The following NEMF variants were observed in gnomAD, a reference collection of about 807,000 sequenced individuals.
NEMF encodes ribosome quality control complex subunit NEMF.
In NEMF, 89 loss-of-function variants were observed where a neutral mutation model predicts 162.2. The observed-to-expected ratio is 0.55, with a 90% CI of 0.46 to 0.65. The LOEUF (loss-of-function observed/expected upper bound fraction) is 0.65, where lower values mean the gene tolerates loss of function less well. Among genes scored for constraint, NEMF ranks in the 30% least tolerant of loss-of-function variants. The pLI is 0.00. For synonymous variants in NEMF, 421 were observed against 404.5 expected (o/e 1.04, Z -0.49); for missense variants, 1,133 against 1,261.9 (o/e 0.90, Z 1.55).
rs1307763586 is a variant in NEMF, at chr14:49,829,061, G to A, written c.1225C>T (p.Leu409=). 21 of 1,613,344 alleles carry A rather than the reference G, an allele frequency of 1.3e-5. No individual in the cohort carries two copies. Among genetic ancestry groups the A allele is most frequent in the Non-Finnish European group, 1.7e-5 (20 of 1,179,416 alleles). The change falls in exon 13 of 33, where the codon CTG becomes TTG. Residue 409 remains leucine (L), a synonymous_variant. Transcript: ENST00000298310. The part of the protein sequence containing the change: ...LKLQTNHVTM[L]LRNPYLLSEE... ...ACTAAGAGTCAAACTTACCTTAGCA[G>A]CATTGTAACATGGTTTGTTTGTAGT...
rs1307109119 is a variant in NEMF, at chr14:49,821,186, C to T, written c.1577+4681G>A. Among the ~76,000 whole-genome samples, 3 of 12,050 alleles carry T rather than the reference C, an allele frequency of 2.5e-4. 1 individual carries two copies. The highest frequency in any genetic ancestry group is 1.7e-3 in the Admixed American group (1 of 574). The allele number at this position is 12,050 out of a possible 152,430, so 7.9% of individuals were successfully genotyped here. A position where few individuals can be genotyped will look rare whatever the true frequency, so the allele number is the denominator to read the frequency against. On this transcript the variant is annotated intron_variant, in intron 16 of 32. Coordinates refer to ENST00000298310, the MANE Select transcript of NEMF (RefSeq NM_004713.6). ...CTGGGAAGTGAGGAGCGTCTCCGCC[C>T]GGCAGCCACCACGCCCGGGAGGGAG...
At chr14:49,851,759 C>T (rs1187704796) in intron 2 of NEMF, 48 bp downstream of exon 2, 7 of 1,454,596 alleles carry the variant, frequency 4.8e-6, no homozygotes, top group Non-Finnish European at 6.7e-6. Flanking sequence ...AATCAGTAAT[C>T]TCATACTTAA....
At chr14:49,790,478 C>T (rs1381230163) in intron 26 of NEMF, among the ~76,000 whole-genome samples, 1 of 152,138 alleles carries the variant, frequency 6.6e-6, no homozygotes, top group Admixed American at 6.5e-5. Context: ...GAGCTATCAG[C>T]ATATACACAC....
At chr14:49,823,989 G>A (rs1273613395) in intron 16 of NEMF, among the ~76,000 whole-genome samples, 1 of 151,694 alleles carries the variant, frequency 6.6e-6, no homozygotes, top group Non-Finnish European at 1.5e-5. Flanking sequence ...GGGCAACATG[G>A]CAGAAACCCT....
Position 49,784,678 on chromosome 14 carries a change from C to G in NEMF, c.3189G>C (p.Val1063=). 1 of 1,612,842 alleles carries G rather than the reference C, an allele frequency of 6.2e-7. No homozygotes were observed. The highest frequency in any genetic ancestry group is 8.5e-7 in the Non-Finnish European group (1 of 1,179,258). The change falls in exon 33 of 33, where the codon GTG becomes GTC. Residue 1063 remains valine, a synonymous_variant. Transcript: ENST00000298310. ...TCAGAAGATTGGGTGCAGACACTTT[C>G]ACTTTGCCAGGAATGTTTCTTGATA... ...TDLSRNIPGK[V]KVSAPNLLNV...
chr14:49,826,085 C>T, intron 15 of NEMF, 130 bp from the exon 16 acceptor site: 1 of 565,438 alleles, frequency 1.8e-6, no homozygotes, highest in Non-Finnish European at 3.1e-6. Context: ...CACACAAACA[C>T]ACACACACAC....
intron 16 of NEMF, among the ~76,000 whole-genome samples, chr14:49,819,392 CATATATATATATATAT>C (rs10596408): frequency 2.7e-5 from 4 of 147,480 alleles, no homozygotes; most frequent in African/African-American, 1.0e-4. Flanking sequence ...TATTATAGAC[CATATATATATATATAT>C]ATATATATAT....
At chr14:49,824,417 C>T (rs561450523) in intron 16 of NEMF, among the ~76,000 whole-genome samples, 2 of 151,632 alleles carry the variant, frequency 1.3e-5, no homozygotes, top group South Asian at 2.1e-4. Context: ...GTGGTGGGTG[C>T]CTGTAATCCC....
chr14:49,819,324 CAT>C (rs1193270696), intron 16 of NEMF, among the ~76,000 whole-genome samples: 1 of 151,722 alleles, frequency 6.6e-6, no homozygotes, highest in Non-Finnish European at 1.5e-5. Context: ...TGAGATGATG[CAT>C]ATGTTAATGT....
At chr14:49,817,013 A>G (rs1175285795) in intron 16 of NEMF, among the ~76,000 whole-genome samples, 3 of 152,254 alleles carry the variant, frequency 2.0e-5, no homozygotes, top group East Asian at 1.9e-4. Context: ...AAACCCAAAT[A>G]TATCAGAGAT....
intron 5 of NEMF, among the ~76,000 whole-genome samples, chr14:49,838,531 T>C (rs1893019203): frequency 6.6e-6 from 1 of 152,070 alleles, no homozygotes; most frequent in East Asian, 1.9e-4. Flanking sequence ...TGCCATATCT[T>C]AATATCCAAA....
chr14:49,848,018 C>A lies in NEMF; in HGVS notation c.232-1753G>T, dbSNP rs547216322. ...CTGCAATCCAGCCTGGGCAACAGAG[C>A]AAGACTCTGTCTCAAAAAAAAAAAA... On this transcript the variant is annotated intron_variant, in intron 3 of 32. Transcript: ENST00000298310. 3.7e-5 allele frequency among the ~76,000 whole-genome samples: 5 copies of A among 136,130 alleles called. No individual in the cohort carries two copies. In the South Asian group the frequency reaches 7.3e-4, roughly 20 times the overall value. 89.3% of individuals were successfully genotyped at this position (136,130 alleles called of 152,430 possible). A position where few individuals can be genotyped will look rare whatever the true frequency, so the allele number is the denominator to read the frequency against.
At position 49,800,472 on chromosome 14, in the gene NEMF, T is replaced by G; in HGVS notation, c.2320A>C (p.Thr774Pro). 1 of 1,613,822 alleles carries G rather than the reference T, an allele frequency of 6.2e-7. No homozygotes were observed. Among genetic ancestry groups the G allele is most frequent in the Middle Eastern group, 1.7e-4 (1 of 6,058 alleles). Reference sequence around the variant, plus strand: ...ATGGTAGTATCAGGATAATTTAATGTCTCTTCCCCTTCATCCTTCATTTCA... The same window carrying G: ...ATGGTAGTATCAGGATAATTTAATGGCTCTTCCCCTTCATCCTTCATTTCA... ...VGEMKDEGEE[T>P]LNYPDTTIDL... is the part of the protein sequence containing the mutation. Residue 774 changes from threonine (T) to proline (P), a missense_variant, in exon 23 of 33, where the codon ACA becomes CCA. Thr to Pro is a conservative substitution (Grantham distance 38). Around this residue, in one of 3 missense-constraint regions of NEMF, gnomAD observed 532 missense variants for 578.6 expected, o/e 0.92. Coordinates refer to ENST00000298310, the MANE Select transcript of NEMF (RefSeq NM_004713.6).
At chr14:49,813,796 G>GT (rs1891593665) in intron 18 of NEMF, among the ~76,000 whole-genome samples, 192 bp downstream of exon 18, 1 of 151,814 alleles carries the variant, frequency 6.6e-6, no homozygotes, top group South Asian at 2.1e-4. Flanking sequence ...TAGAGATGAG[G>GT]TTTCACTTTC....
At chr14:49,805,093 A>C (rs987225320) in intron 19 of NEMF, among the ~76,000 whole-genome samples, 2 of 152,172 alleles carry the variant, frequency 1.3e-5, no homozygotes, top group Non-Finnish European at 2.9e-5. Context: ...CATTCTAAAA[A>C]ATTTCTTAAT....
In NEMF at chr14:49,802,705, G is replaced by T; in HGVS notation, c.1938C>A (p.Pro646=). 2.5e-6 allele frequency: 4 copies of T among 1,610,820 alleles called. No homozygotes were observed. The highest frequency in any genetic ancestry group is 3.4e-6 in the Non-Finnish European group (4 of 1,178,062). Residue 646 remains proline (P), a synonymous_variant, in exon 21 of 33, where the codon CCC becomes CCA. Transcript: ENST00000298310. ...MIRGKKNFLP[P]SYLMMGFSFL... is the part of the protein sequence containing the mutation. ...AGCTAAACCCCATCATTAGATATGAGGGAGGAAGAAAATTCTTTTTTCCTA... is the reference window on the plus strand; with the variant it reads ...AGCTAAACCCCATCATTAGATATGATGGAGGAAGAAAATTCTTTTTTCCTA...
chr14:49,810,145 G>A (rs2139889828), intron 18 of NEMF, among the ~76,000 whole-genome samples: 1 of 152,050 alleles, frequency 6.6e-6, no homozygotes, highest in South Asian at 2.1e-4. Context: ...GAGGCGGGCG[G>A]ATCACAAGGT....
chr14:49,842,756 C>A (rs958616662), intron 4 of NEMF, among the ~76,000 whole-genome samples: 1 of 152,180 alleles, frequency 6.6e-6, no homozygotes. Flanking sequence ...CCTGTAATCC[C>A]AGCACTTTGG....
At chr14:49,816,131 TC>T (rs1891707082) in intron 16 of NEMF, among the ~76,000 whole-genome samples, 2 of 152,110 alleles carry the variant, frequency 1.3e-5, no homozygotes, top group Admixed American at 1.3e-4. Flanking sequence ...ATCCCAATCT[TC>T]TCTTTTTTGT....
Sources: gnomAD v4.1 joint callset for allele counts (sites outside exome capture counted in the v4.1 genomes callset) on GRCh38, gnomAD v4.1.1 for gene constraint, gnomAD v4.1.1 regional missense constraint, MANE v1.5 for transcripts, NCBI Gene and HGNC (gene_info 2026-07-23, HGNC 2026-07-21) for gene names.